IFTAP: variants seen among roughly 807,000 people sequenced by gnomAD.
The protein encoded by IFTAP is intraflagellar transport associated protein, also known as intraflagellar transport-associated protein.
IFTAP carries 19 observed loss-of-function variants against 19.4 expected under a neutral mutation model. The observed-to-expected ratio is 0.98, with a 90% CI of 0.68 to 1.44. The LOEUF (loss-of-function observed/expected upper bound fraction) is 1.44, where lower values mean the gene tolerates loss of function less well. Ranked by LOEUF, IFTAP falls within the 40% of genes most tolerant of loss-of-function variation. The pLI is 0.00. For missense variants in IFTAP, 240 were observed against 253.6 expected (o/e 0.95, Z 0.36); for synonymous variants, 85 against 83.5 (o/e 1.02, Z -0.10).
chr11:36,627,483 C>A (rs1053068965), intron 2 of IFTAP, among the ~76,000 whole-genome samples: 5 of 151,358 alleles, frequency 3.3e-5, no homozygotes, highest in Non-Finnish European at 7.4e-5. Flanking sequence ...TCCTGCTTGT[C>A]TGTAAATATT....
At chr11:36,648,687 T>G (rs1405775977) in intron 5 of IFTAP, among the ~76,000 whole-genome samples, 1 of 152,142 alleles carries the variant, frequency 6.6e-6, no homozygotes, top group South Asian at 2.1e-4. Flanking sequence ...ATGTCCATTA[T>G]ATTTTAGGAC....
intron 1 of IFTAP, among the ~76,000 whole-genome samples, chr11:36,600,310 G>A (rs1305978312): frequency 6.6e-6 from 1 of 152,220 alleles, no homozygotes; most frequent in African/African-American, 2.4e-5. Context: ...GGACAGGTAC[G>A]GTCAGCAGTC....
At chr11:36,596,288 T>C (rs1466067290) in intron 1 of IFTAP, among the ~76,000 whole-genome samples, 1 of 150,440 alleles carries the variant, frequency 6.6e-6, no homozygotes, top group Non-Finnish European at 1.5e-5. Flanking sequence ...AAATAATCTC[T>C]TGTAGTTATT....
intron 4 of IFTAP, among the ~76,000 whole-genome samples, chr11:36,640,700 G>C (rs1004676969): frequency 6.6e-6 from 1 of 152,160 alleles, no homozygotes; most frequent in Admixed American, 6.6e-5. Context: ...TAGAGAACTC[G>C]TATCTAGTAC....
chr11:36,609,873 G>A lies in IFTAP; in HGVS notation c.-23-208G>A, dbSNP rs146711290. Among the ~76,000 whole-genome samples the A allele has an allele frequency of 5.3e-5, 8 of 152,232 alleles. No individual in the cohort carries two copies. In the East Asian group the frequency reaches 1.5e-3, roughly 29 times the overall value. Reference sequence around the variant, plus strand: ...TTAAGAAGATAGTAATGAGCAGACTGAAGCAAAAAATAAAATTGTGATAGT... The same window carrying A: ...TTAAGAAGATAGTAATGAGCAGACTAAAGCAAAAAATAAAATTGTGATAGT... On this transcript the variant is annotated intron_variant, in intron 1 of 5. Coordinates refer to ENST00000334307, the MANE Select transcript of IFTAP (RefSeq NM_138787.4).
chr11:36,635,698 C>T (rs1380551905), intron 3 of IFTAP, among the ~76,000 whole-genome samples: 1 of 152,116 alleles, frequency 6.6e-6, no homozygotes, highest in Non-Finnish European at 1.5e-5. Context: ...AAAAGGAAAA[C>T]AAAACCCAGA....
At chr11:36,630,541 T>C (rs1852688639) in intron 2 of IFTAP, among the ~76,000 whole-genome samples, 1 of 151,412 alleles carries the variant, frequency 6.6e-6, no homozygotes, top group African/African-American at 2.5e-5. Flanking sequence ...TGAGACTTCA[T>C]TATATTTTGC....
chr11:36,642,869 G>C (rs1191491565), intron 4 of IFTAP, among the ~76,000 whole-genome samples: 2 of 152,100 alleles, frequency 1.3e-5, no homozygotes, highest in Non-Finnish European at 2.9e-5. Flanking sequence ...AAAATAATAA[G>C]AGCTGTTTAT....
intron 2 of IFTAP, among the ~76,000 whole-genome samples, chr11:36,618,200 C>T (rs921721313): frequency 1.3e-5 from 2 of 151,862 alleles, no homozygotes; most frequent in African/African-American, 4.8e-5. Context: ...GAGATAAGGC[C>T]TTTAAAGAGA....
intron 2 of IFTAP, among the ~76,000 whole-genome samples, chr11:36,630,199 A>T (rs1185783460): frequency 2.0e-5 from 3 of 151,406 alleles, no homozygotes; most frequent in Admixed American, 1.3e-4. Context: ...TGACATTATC[A>T]TATTGAAAAA....
At chr11:36,623,179 T>A (rs1306463298) in intron 2 of IFTAP, among the ~76,000 whole-genome samples, 2 of 152,158 alleles carry the variant, frequency 1.3e-5, no homozygotes, top group African/African-American at 4.8e-5. Context: ...ATTCAGTAGT[T>A]CTACTAGTGT....
intron 1 of IFTAP, among the ~76,000 whole-genome samples, chr11:36,607,053 A>C (rs1851719133): frequency 6.6e-6 from 1 of 152,178 alleles, no homozygotes; most frequent in Admixed American, 6.5e-5. Flanking sequence ...CTTTTGTTTT[A>C]AGTTGATACC....
At chr11:36,600,945 G>A (rs950503314) in intron 1 of IFTAP, among the ~76,000 whole-genome samples, 1 of 152,196 alleles carries the variant, frequency 6.6e-6, no homozygotes, top group Non-Finnish European at 1.5e-5. Flanking sequence ...GATCAGAAAA[G>A]TTTACATAAA....
chr11:36,654,877 A>C (rs993710102), intron 5 of IFTAP, among the ~76,000 whole-genome samples: 1 of 152,062 alleles, frequency 6.6e-6, no homozygotes, highest in African/African-American at 2.4e-5. Context: ...CAGGTTCCTG[A>C]GTACTCTTCT....
At chr11:36,653,301 T>G (rs1295819139) in intron 5 of IFTAP, among the ~76,000 whole-genome samples, 1 of 152,122 alleles carries the variant, frequency 6.6e-6, no homozygotes, top group Admixed American at 6.6e-5. Flanking sequence ...AGTTTTCCAA[T>G]AGTGTACAAA....
chr11:36,613,554 A>G (rs1162319040), intron 2 of IFTAP, among the ~76,000 whole-genome samples: 1 of 152,086 alleles, frequency 6.6e-6, no homozygotes, highest in Non-Finnish European at 1.5e-5. Flanking sequence ...AGACTAATGC[A>G]TGATAAGTAT....
In IFTAP at chr11:36,614,103, A is replaced by G. The variant is rs375986185; in HGVS notation, c.136+3864A>G. Among the ~76,000 whole-genome samples, 30 of 148,982 alleles carry G rather than the reference A, an allele frequency of 2.0e-4. No homozygotes were observed. In the East Asian group the frequency reaches 3.4e-3, roughly 17 times the overall value. On this transcript the variant is annotated intron_variant, in intron 2 of 5. Coordinates refer to ENST00000334307, the MANE Select transcript of IFTAP (RefSeq NM_138787.4). ...CCCACCACAGTCCCCAGAGTGTGAT[A>G]TTCCCCTTCCTGTGTCCATGTGATC...
intron 2 of IFTAP, among the ~76,000 whole-genome samples, chr11:36,620,390 C>T (rs1417978916): frequency 6.6e-6 from 1 of 151,934 alleles, no homozygotes; most frequent in East Asian, 1.9e-4. Context: ...ATTTGTTTCC[C>T]TATTTCTTTT....
rs1056173155 is a variant in IFTAP at position 36,597,054 on chromosome 11, A to G, written c.-24+2462A>G. On this transcript the variant is annotated intron_variant, in intron 1 of 5. Coordinates refer to ENST00000334307, the MANE Select transcript of IFTAP (RefSeq NM_138787.4). ...AACAGTGGTAAAGTTTCTTATTGCT[A>G]AGATGAATTACCTCCTCTTGTAACA... is the stretch of plus-strand genomic sequence containing the variant. Among the ~76,000 whole-genome samples the G allele has an allele frequency of 2.0e-5, 3 of 152,216 alleles. No homozygotes were observed. The South Asian group carries it at 6.2e-4, about 32-fold the overall frequency.
Sources: gnomAD v4.1 joint callset for allele counts (sites outside exome capture counted in the v4.1 genomes callset) on GRCh38, gnomAD v4.1.1 for gene constraint, MANE v1.5 for transcripts, NCBI Gene and HGNC (gene_info 2026-07-23, HGNC 2026-07-21) for gene names.